Variants in MLXIP observed in about 807,000 individuals in gnomAD.
MLXIP encodes MLX-interacting protein.
In MLXIP, 30 loss-of-function variants were observed where a neutral mutation model predicts 87.2. That is an observed-to-expected ratio of 0.34 (90% CI 0.26 to 0.47). The LOEUF (loss-of-function observed/expected upper bound fraction) is 0.47, where lower values mean the gene tolerates loss of function less well. MLXIP is among the 20% of genes least tolerant of loss of function. The pLI, the probability that MLXIP is intolerant of heterozygous loss-of-function variation, is 1.00. For synonymous variants in MLXIP, 530 were observed against 514.0 expected (o/e 1.03, Z -0.42); for missense variants, 1,002 against 1,240.1 (o/e 0.81, Z 2.88).
chr12:122,122,920 T>G (rs1952807952), intron 1 of MLXIP, among the ~76,000 whole-genome samples: 1 of 151,542 alleles, frequency 6.6e-6, no homozygotes, highest in African/African-American at 2.4e-5. Flanking sequence ...CTGGAACTCG[T>G]GAGCTCAAGT....
rs534951336 is a variant in MLXIP at position 122,146,959 on chromosome 12, C to T, written c.*5147C>T. ...CCCCTACGGGCTGCCCACAGTGCCC[C>T]CTTTTCTCTAGCCGAATCTTTTTCG... is the stretch of plus-strand genomic sequence containing the variant. On this transcript the variant is annotated 3_prime_UTR_variant, in exon 17 of 17. Transcript: ENST00000319080. The T allele has an allele frequency of 2.5e-4, 38 of 152,376 alleles. No homozygotes were observed. The highest frequency in any genetic ancestry group is 4.3e-4 in the Non-Finnish European group (29 of 68,058). The allele number at this position is 152,376 out of a possible 1,614,324, so 9.4% of individuals were successfully genotyped here.
intron 6 of MLXIP, 96 bp from the exon 7 acceptor site, chr12:122,130,735 AGACTCTGGGATGT>A: frequency 2.6e-6 from 2 of 759,202 alleles, no homozygotes; most frequent in Non-Finnish European, 4.7e-6. Flanking sequence ...GCTCCTTGGA[AGACTCTGGGATGT>A]GAGCAGGGCC....
At chr12:122,124,495 G>A (rs984884874) in intron 1 of MLXIP, among the ~76,000 whole-genome samples, 4 of 143,664 alleles carry the variant, frequency 2.8e-5, no homozygotes, top group Non-Finnish European at 4.5e-5. Context: ...GGCTTCTGCA[G>A]CTACGCAATC....
Position 122,138,450 on chromosome 12 carries a change from G to A in MLXIP, c.2283G>A (p.Lys761=). The change falls in exon 14 of 17, where the codon AAG becomes AAA. Residue 761 remains lysine (K), a synonymous_variant. Transcript: ENST00000319080. ...CCAGTCACGCCATCACACTGCAGAA[G>A]ACTGTGGAGTACATCACCAAGCTGC... The part of the protein sequence containing the change: ...KLTSHAITLQ[K]TVEYITKLQQ... 1 of 1,613,934 alleles carries A rather than the reference G, an allele frequency of 6.2e-7. No homozygotes were observed. Among genetic ancestry groups the A allele is most frequent in the Non-Finnish European group, 8.5e-7 (1 of 1,179,892 alleles).
At chr12:122,080,256 C>G (rs1952071978) in intron 1 of MLXIP, among the ~76,000 whole-genome samples, 1 of 152,168 alleles carries the variant, frequency 6.6e-6, no homozygotes, top group Admixed American at 6.5e-5. Flanking sequence ...ATGATGGGAT[C>G]TCTGCTGAGT....
chr12:122,085,544 C>T (rs1023418620), intron 1 of MLXIP, among the ~76,000 whole-genome samples: 2 of 152,142 alleles, frequency 1.3e-5, no homozygotes, highest in Non-Finnish European at 2.9e-5. Flanking sequence ...GCTGGGATTA[C>T]AGGCACATGC....
At chr12:122,099,042 A>G (rs1952397514) in intron 1 of MLXIP, among the ~76,000 whole-genome samples, 1 of 152,250 alleles carries the variant, frequency 6.6e-6, no homozygotes, top group South Asian at 2.1e-4. Flanking sequence ...GTGTAAGACC[A>G]GCCTGGGCAA....
Position 122,096,325 on chromosome 12 carries a change from G to A in MLXIP, c.413+17059G>A, listed in dbSNP as rs570695551. ...ATTTTCTCTCTCTCTGTTGATCACC[G>A]AGAATATTTCGCTGGTGTTTTTGAT... On this transcript the variant is annotated intron_variant, in intron 1 of 16. Coordinates refer to ENST00000319080, the MANE Select transcript of MLXIP (RefSeq NM_014938.6). Among the ~76,000 whole-genome samples, 4 of 152,012 alleles carry A rather than the reference G, an allele frequency of 2.6e-5. No individual in the cohort carries two copies. In the East Asian group the frequency reaches 7.7e-4, roughly 29 times the overall value.
chr12:122,117,393 C>T (rs1385118136), intron 1 of MLXIP, among the ~76,000 whole-genome samples: 1 of 152,206 alleles, frequency 6.6e-6, no homozygotes, highest in Non-Finnish European at 1.5e-5. Context: ...AACCTTTGTT[C>T]GTCTGTAGCC....
At chr12:122,091,137 A>T (rs908166209) in intron 1 of MLXIP, among the ~76,000 whole-genome samples, 2 of 152,216 alleles carry the variant, frequency 1.3e-5, no homozygotes, top group African/African-American at 4.8e-5. Flanking sequence ...GTTATTGTTT[A>T]AAAAATATTG....
At chr12:122,125,927 G>A (rs1226416279) in intron 1 of MLXIP, among the ~76,000 whole-genome samples, 2 of 152,236 alleles carry the variant, frequency 1.3e-5, no homozygotes, top group East Asian at 1.9e-4. Context: ...TTCACAGAAT[G>A]TTTGCTGCTC....
At chr12:122,115,998 C>G (rs1952684484) in intron 1 of MLXIP, among the ~76,000 whole-genome samples, 1 of 151,436 alleles carries the variant, frequency 6.6e-6, no homozygotes, top group Non-Finnish European at 1.5e-5. Flanking sequence ...TTGCAGTGAG[C>G]CAAGATCATG....
chr12:122,097,631 A>G (rs967079094), intron 1 of MLXIP, among the ~76,000 whole-genome samples: 8 of 151,576 alleles, frequency 5.3e-5, no homozygotes, highest in Admixed American at 2.0e-4. Flanking sequence ...AAAAAAAGTA[A>G]TTAATTAATT....
intron 1 of MLXIP, among the ~76,000 whole-genome samples, chr12:122,085,048 A>G (rs1952145935): frequency 6.6e-6 from 1 of 152,178 alleles, no homozygotes; most frequent in Non-Finnish European, 1.5e-5. Flanking sequence ...ATCTGCCCAC[A>G]AAAGCCCGGC....
At position 122,144,967 on chromosome 12, in the gene MLXIP, T is replaced by G. The variant is rs1953274668; in HGVS notation, c.*3155T>G. On this transcript the variant is annotated 3_prime_UTR_variant, in exon 17 of 17. Coordinates refer to ENST00000319080, the MANE Select transcript of MLXIP (RefSeq NM_014938.6). ...CTGGCGTATAAATCCCTGGGCGGGT[T>G]TCTGATAAATTGCCCTGTGCTGTCA... 1 of 152,198 alleles carries G rather than the reference T, an allele frequency of 6.6e-6. No homozygotes were observed. Among genetic ancestry groups the G allele is most frequent in the Non-Finnish European group, 1.5e-5 (1 of 68,052 alleles). 9.4% of individuals were successfully genotyped at this position (152,198 alleles called of 1,614,324 possible).
intron 1 of MLXIP, among the ~76,000 whole-genome samples, chr12:122,102,807 C>T (rs1213568315): frequency 2.0e-5 from 3 of 152,160 alleles, no homozygotes; most frequent in Non-Finnish European, 4.4e-5. Flanking sequence ...AAGTCAATCC[C>T]AAATGGTTAC....
intron 1 of MLXIP, among the ~76,000 whole-genome samples, chr12:122,120,376 C>T (rs1286952457): frequency 6.6e-6 from 1 of 152,052 alleles, no homozygotes; most frequent in East Asian, 1.9e-4. Flanking sequence ...GCACATGCCA[C>T]CAAGCCCAGC....
At chr12:122,124,155 T>TC (rs1377860204) in intron 1 of MLXIP, among the ~76,000 whole-genome samples, 6 of 121,434 alleles carry the variant, frequency 4.9e-5, no homozygotes, top group South Asian at 3.2e-4. Flanking sequence ...GCCTCAGCTG[T>TC]CCCCCACCCT....
chr12:122,109,424 G>A (rs919320606), intron 1 of MLXIP, among the ~76,000 whole-genome samples: 5 of 151,970 alleles, frequency 3.3e-5, no homozygotes, highest in South Asian at 2.1e-4. Context: ...GGCTGGTCTC[G>A]AACTCCTGGC....
Sources: allele counts gnomAD v4.1 joint callset (sites outside exome capture counted in the v4.1 genomes callset), GRCh38; gene constraint gnomAD v4.1.1; transcripts MANE v1.5; gene names NCBI Gene and HGNC (gene_info 2026-07-23, HGNC 2026-07-21).